Variants in CLDN2 observed in about 807,000 individuals in gnomAD.
CLDN2 encodes the protein claudin 2.
In CLDN2, 1 loss-of-function variant was observed where a neutral mutation model predicts 8.2. The observed-to-expected ratio is 0.12, with a 90% CI of 0.04 to 0.58. The LOEUF is 0.58. Among genes scored for constraint, CLDN2 ranks in the 20% least tolerant of loss-of-function variants. CLDN2 has a pLI of 0.90. For synonymous variants in CLDN2, 70 were observed against 70.2 expected (o/e 1.00, Z 0.01); for missense variants, 108 against 172.9 (o/e 0.62, Z 2.11).
intron 1 of CLDN2, chrX:106,903,164 A>G: frequency 1.7e-6 from 2 of 1,210,935 alleles, no homozygotes; most frequent in Non-Finnish European, 2.2e-6. Flanking sequence ...TGTCCAGAGG[A>G]GAGAAGGCAA....
chrX:106,925,440 A>G (rs1401558763), intron 1 of CLDN2, among the ~76,000 whole-genome samples: 1 of 112,380 alleles, frequency 8.9e-6, no homozygotes, highest in Admixed American at 9.4e-5. Flanking sequence ...GGAGCAAAAG[A>G]CCACATGGCA....
At chrX:106,919,049 C>T (rs972272371), upstream of CLDN2, among the ~76,000 whole-genome samples, 1 of 112,045 alleles carries the variant, frequency 8.9e-6, no homozygotes, top group South Asian at 3.7e-4. Context: ...TAGTAGTTTA[C>T]GATTAAATAA....
intron 1 of CLDN2, among the ~76,000 whole-genome samples, chrX:106,911,130 G>A (rs1194365872): frequency 8.9e-6 from 1 of 111,736 alleles, no homozygotes; most frequent in African/African-American, 3.3e-5. Flanking sequence ...TACCATGCAG[G>A]TGATGTTGGG....
At chrX:106,916,836 C>T (rs533633165), upstream of CLDN2, among the ~76,000 whole-genome samples, 8 of 111,630 alleles carry the variant, frequency 7.2e-5, no homozygotes, top group African/African-American at 2.6e-4. Flanking sequence ...TGGCTTGAGC[C>T]TAGGAGTTTG....
At chrX:106,924,142 G>A (rs1933433369) in intron 1 of CLDN2, among the ~76,000 whole-genome samples, 1 of 111,190 alleles carries the variant, frequency 9.0e-6, no homozygotes, top group Admixed American at 9.6e-5. Context: ...TTCAGTGGAG[G>A]GCTAATGGTG....
At chrX:106,918,532 G>A (rs1314746343), upstream of CLDN2, 1 of 112,188 alleles carries the variant, frequency 8.9e-6, no homozygotes, top group African/African-American at 3.2e-5. Context: ...GTTCACCCTA[G>A]GCAACAAATC....
intron 1 of CLDN2, among the ~76,000 whole-genome samples, chrX:106,921,430 G>T (rs1436963053): frequency 9.0e-6 from 1 of 111,620 alleles, no homozygotes; most frequent in Non-Finnish European, 1.9e-5. Flanking sequence ...TCAGAGAAGG[G>T]GGCAAGTGTC....
intron 1 of CLDN2, among the ~76,000 whole-genome samples, chrX:106,925,924 T>C (rs1378120983): frequency 8.9e-6 from 1 of 111,878 alleles, no homozygotes; most frequent in Non-Finnish European, 1.9e-5. Flanking sequence ...AAGAATCACT[T>C]GAACCTGGGA....
In CLDN2 at chrX:106,929,083, G is replaced by A; in HGVS notation, c.*162G>A. On this transcript the variant is annotated 3_prime_UTR_variant, in exon 2 of 2. Coordinates refer to ENST00000336803, the MANE Select transcript of CLDN2 (RefSeq NM_020384.4). ...GGATTGAGCAAAGGCAGAAATGGGG[G>A]CTAGTGTAACAGCATGCAGGTTGAA... 1 of 470,300 alleles carries A rather than the reference G, an allele frequency of 2.1e-6. No homozygotes were observed. The allele number at this position is 470,300 out of a possible 1,213,427, so 38.8% of individuals were successfully genotyped here.
At chrX:106,918,608 G>C (rs1933346643), upstream of CLDN2, 2 of 112,356 alleles carry the variant, frequency 1.8e-5, no homozygotes, top group South Asian at 7.4e-4. Context: ...GCAAGCTCTA[G>C]AGGTGGCCAG....
At chrX:106,903,047 G>T in intron 1 of CLDN2, 1 of 1,041,136 alleles carries the variant, frequency 9.6e-7, no homozygotes. Flanking sequence ...ACAGAGAACA[G>T]GGTGCCCTGG....
chrX:106,904,471 T>C (rs1933153048), intron 1 of CLDN2, among the ~76,000 whole-genome samples: 1 of 112,806 alleles, frequency 8.9e-6, no homozygotes, highest in Non-Finnish European at 1.9e-5. Flanking sequence ...TGTCCAATAA[T>C]AGGAAACCAG....
chrX:106,913,098 T>A (rs1239673165), intron 1 of CLDN2, among the ~76,000 whole-genome samples: 1 of 95,977 alleles, frequency 1.0e-5, no homozygotes, highest in Non-Finnish European at 1.9e-5. Context: ...AAAGTGCAAT[T>A]GATTTTTTTT....
At chrX:106,916,602 A>G (rs189113007), upstream of CLDN2, among the ~76,000 whole-genome samples, 201 of 111,661 alleles carry the variant, frequency 1.8e-3, 1 homozygote, top group African/African-American at 6.4e-3. Flanking sequence ...TAAATTTTGG[A>G]GGTAGAATGG....
intron 1 of CLDN2, among the ~76,000 whole-genome samples, chrX:106,925,772 T>C (rs1211521513): frequency 8.9e-6 from 1 of 112,322 alleles, no homozygotes; most frequent in Non-Finnish European, 1.9e-5. Context: ...TTTGGGAGGC[T>C]GAGGTGGGCG....
At chrX:106,900,442 T>C (rs1012215733) in exon 1 of CLDN2, 7 of 227,647 alleles carry the variant, frequency 3.1e-5, no homozygotes, top group Non-Finnish European at 5.5e-5. Context: ...AACCCTCCCA[T>C]GGTCAACACA....
At chrX:106,919,970 G>A (rs1361461080), upstream of CLDN2, among the ~76,000 whole-genome samples, 2 of 112,155 alleles carry the variant, frequency 1.8e-5, no homozygotes, top group African/African-American at 6.5e-5. Context: ...TTAGGGGTGG[G>A]GTAGGGCTGA....
At chrX:106,922,664 G>A in intron 1 of CLDN2, among the ~76,000 whole-genome samples, 1 of 112,107 alleles carries the variant, frequency 8.9e-6, no homozygotes, top group Non-Finnish European at 1.9e-5. Context: ...GAGCAGGGAG[G>A]GCCCAAGGAT....
chrX:106,927,918 G>A (rs1405839885), intron 1 of CLDN2, 133 bp from the exon 2 acceptor site: 3 of 189,747 alleles, frequency 1.6e-5, no homozygotes, highest in East Asian at 8.8e-5. Context: ...TTGGCTCCAC[G>A]TTCAAAGTTG....
Sources: gnomAD v4.1 joint callset for allele counts (sites outside exome capture counted in the v4.1 genomes callset) on GRCh38, gnomAD v4.1.1 for gene constraint, MANE v1.5 for transcripts, NCBI Gene and HGNC (gene_info 2026-07-23, HGNC 2026-07-21) for gene names.